Variants in MSI1 observed in about 807,000 individuals in gnomAD.
The protein encoded by MSI1 is RNA-binding protein Musashi homolog 1.
In MSI1, 15 loss-of-function variants were observed where a neutral mutation model predicts 54.4. That is an observed-to-expected ratio of 0.28 (90% confidence interval 0.18 to 0.42). MSI1 has a LOEUF of 0.42. Ranked by LOEUF, MSI1 falls within the 20% of genes least tolerant of loss-of-function variation. The pLI, the probability that MSI1 is intolerant of heterozygous loss-of-function variation, is 1.00. For synonymous variants in MSI1, 200 were observed against 196.5 expected, an observed-to-expected ratio of 1.02 and a Z score of -0.15; for missense variants, 304 against 506.0, an observed-to-expected ratio of 0.60 and a Z score of 3.83.
intron 12 of MSI1, 82 bp downstream of exon 12, chr12:120,347,364 G>A: frequency 6.8e-7 from 1 of 1,470,836 alleles, no homozygotes; most frequent in South Asian, 1.1e-5. Context: ...GCAAAGGGGT[G>A]GCAGTGGCCT....
chr12:120,366,207 A>G (rs1876008486), intron 4 of MSI1, among the ~76,000 whole-genome samples: 1 of 152,124 alleles, frequency 6.6e-6, no homozygotes, highest in Admixed American at 6.6e-5. Flanking sequence ...TCTTTTCCCA[A>G]AGTTCCTTCT....
intron 7 of MSI1, 123 bp downstream of exon 7, chr12:120,358,882 G>A (rs1255566262): frequency 8.6e-6 from 10 of 1,158,278 alleles, no homozygotes; most frequent in East Asian, 2.6e-5. Context: ...GGCCAGGCCT[G>A]GGAGAGGACG....
At chr12:120,351,802 G>A (rs1432081979) in intron 10 of MSI1, among the ~76,000 whole-genome samples, 5 of 149,258 alleles carry the variant, frequency 3.3e-5, no homozygotes, top group South Asian at 4.2e-4. Flanking sequence ...TCCGCCTTCC[G>A]GGTTCACGCC....
downstream of MSI1, among the ~76,000 whole-genome samples, chr12:120,340,874 T>G (rs1307956042): frequency 6.8e-6 from 1 of 147,128 alleles, no homozygotes; most frequent in Non-Finnish European, 1.5e-5. Context: ...ATGTGTACGC[T>G]TTTCTCCTAT....
Position 120,368,895 on chromosome 12 carries a change from A to C in MSI1, c.60-22T>G. ...CTTGCTGCGGGAGGAGGAGAGACAC[A>C]AAGGGCCCGCGTGAGCGCCGGGCGC... On this transcript the variant is annotated intron_variant, in intron 1 of 14. Coordinates refer to ENST00000257552, the MANE Select transcript of MSI1 (RefSeq NM_002442.4). This position sits in a 1 kb window ranked among gnomAD's most constrained non-coding sequence, Gnocchi z 6.6. The C allele has an allele frequency of 7.0e-7, 1 of 1,428,216 alleles. No homozygotes were observed. The highest frequency in any genetic ancestry group is 9.3e-7 in the Non-Finnish European group (1 of 1,076,530). 88.5% of individuals were successfully genotyped at this position (1,428,216 alleles called of 1,614,324 possible).
Position 120,364,562 on chromosome 12 carries a change from C to G in MSI1, c.309+152G>C, listed in dbSNP as rs1046641039. ...GTGTCTTCAGGCCACAGAGCAAGGA[C>G]GTCAAGAATCCCCTCTTCCCAGCCC... On this transcript the variant is annotated intron_variant, in intron 5 of 14. Coordinates refer to ENST00000257552, the MANE Select transcript of MSI1 (RefSeq NM_002442.4). 7 of 683,264 alleles carry G rather than the reference C, an allele frequency of 1.0e-5. No homozygotes were observed. In the East Asian group the frequency reaches 1.7e-4, roughly 17 times the overall value. The allele number at this position is 683,264 out of a possible 1,614,324, so 42.3% of individuals were successfully genotyped here. A position where few individuals can be genotyped will look rare whatever the true frequency, so the allele number is the denominator to read the frequency against.
Position 120,368,290 on chromosome 12 carries a change from G to A in MSI1, c.101-17C>T. 1 of 1,552,900 alleles carries A rather than the reference G, an allele frequency of 6.4e-7. No individual in the cohort carries two copies. Among genetic ancestry groups the A allele is most frequent in the Non-Finnish European group, 8.7e-7 (1 of 1,148,252 alleles). On this transcript the variant is annotated splice_polypyrimidine_tract_variant and intron_variant, in intron 2 of 14. Transcript: ENST00000257552. This position sits in a 1 kb window ranked among gnomAD's most constrained non-coding sequence, Gnocchi z 6.6. ...GCAGCCCTTCTGTAACCACACACCC[G>A]CCTTCGGACCAGCCCGGGCCCCGCG...
intron 8 of MSI1, 44 bp from the exon 9 acceptor site, chr12:120,357,063 T>G (rs1313994688): frequency 6.6e-6 from 10 of 1,512,642 alleles, no homozygotes; most frequent in Non-Finnish European, 9.2e-6. Flanking sequence ...AGAGCTAGAG[T>G]CATTAGCCCT....
At chr12:120,355,609 C>G (rs1442124422) in intron 9 of MSI1, among the ~76,000 whole-genome samples, 1 of 152,104 alleles carries the variant, frequency 6.6e-6, no homozygotes, top group African/African-American at 2.4e-5. Context: ...TACATATTTG[C>G]AAACACACAT....
At position 120,368,289 on chromosome 12, in the gene MSI1, C is replaced by G. The variant is rs1203890435; in HGVS notation, c.101-16G>C. 3 of 1,553,416 alleles carry G rather than the reference C, an allele frequency of 1.9e-6. No homozygotes were observed. Among genetic ancestry groups the G allele is most frequent in the Non-Finnish European group, 1.7e-6 (2 of 1,148,422 alleles). ...CGCAGCCCTTCTGTAACCACACACCCGCCTTCGGACCAGCCCGGGCCCCGC... is the reference window on the plus strand; with the variant it reads ...CGCAGCCCTTCTGTAACCACACACCGGCCTTCGGACCAGCCCGGGCCCCGC... On this transcript the variant is annotated splice_polypyrimidine_tract_variant and intron_variant, in intron 2 of 14. Transcript: ENST00000257552. The surrounding 1 kb of genome is among the most constrained non-coding windows in gnomAD (Gnocchi z 6.6).
At chr12:120,357,093 C>T (rs1875199839) in intron 8 of MSI1, 74 bp from the exon 9 acceptor site, 2 of 1,342,408 alleles carry the variant, frequency 1.5e-6, no homozygotes, top group Non-Finnish European at 2.1e-6. Context: ...TGGAAAGCCC[C>T]TTTATTAATT....
chr12:120,349,762 G>A (rs1202031560), intron 11 of MSI1, among the ~76,000 whole-genome samples: 1 of 152,206 alleles, frequency 6.6e-6, no homozygotes, highest in Non-Finnish European at 1.5e-5. Context: ...CTACTCCCTT[G>A]CCTGCCAAGA....
In MSI1 at chr12:120,342,128, T is replaced by G. The variant is rs2522137; in HGVS notation, c.*999A>C. On this transcript the variant is annotated 3_prime_UTR_variant, in exon 15 of 15. Coordinates refer to ENST00000257552, the MANE Select transcript of MSI1 (RefSeq NM_002442.4). The stretch of plus-strand genomic sequence containing the variant: ...GGGTCGAGGGGGAAGGGGGACAGAC[T>G]GAGCAGAAACCATGAAGCCCCAACC... The G allele has an allele frequency of 0.41, 63,228 of 152,928 alleles. 14,565 individuals are homozygous for G. The highest frequency in any genetic ancestry group is 0.55 in the South Asian group (2,671 of 4,832). 9.5% of individuals were successfully genotyped at this position (152,928 alleles called of 1,614,324 possible).
chr12:120,359,019 G>T lies in MSI1; in HGVS notation c.437C>A (p.Thr146Asn). The change falls in exon 7 of 15, where the codon ACC becomes AAC. Residue 146 changes from threonine to asparagine, a missense_variant. Around this residue, in one of 4 missense-constraint regions of MSI1, gnomAD observed 105 missense variants for 230.1 expected, o/e 0.46. Coordinates refer to ENST00000257552, the MANE Select transcript of MSI1 (RefSeq NM_002442.4). ...DDAMLMFDKTTNRHRGFGFVT... is the reference protein window; with the variant it reads ...DDAMLMFDKTNNRHRGFGFVT... ...GCCACACTCACCTCGGTGCCGGTTG[G>T]TGGTTTTGTCAAACATCAGCATGGC... 1 of 1,565,256 alleles carries T rather than the reference G, an allele frequency of 6.4e-7. No homozygotes were observed. Among genetic ancestry groups the T allele is most frequent in the Non-Finnish European group, 8.7e-7 (1 of 1,154,698 alleles).
In MSI1 at chr12:120,346,126, G is replaced by T; in HGVS notation, c.1047+9C>A. ...GGTGAGGTGGGGGCCGCTAGGCCTG[G>T]CCACTCACCCCAAGACTGTGGCCGA... On this transcript the variant is annotated intron_variant, in intron 13 of 14. Transcript: ENST00000257552. 2 of 1,542,534 alleles carry T rather than the reference G, an allele frequency of 1.3e-6. No homozygotes were observed. The highest frequency in any genetic ancestry group is 1.7e-6 in the Non-Finnish European group (2 of 1,146,190).
chr12:120,349,394 C>G (rs770537468), intron 11 of MSI1, among the ~76,000 whole-genome samples: 2 of 151,928 alleles, frequency 1.3e-5, no homozygotes, highest in African/African-American at 4.8e-5. Flanking sequence ...CCACCACGCC[C>G]AGCTAATTTT....
chr12:120,344,143 A>G (rs571183362), intron 14 of MSI1, among the ~76,000 whole-genome samples: 1 of 152,338 alleles, frequency 6.6e-6, no homozygotes, highest in Non-Finnish European at 1.5e-5. Flanking sequence ...GGCGTGAGCC[A>G]CTGCGCCCGG....
At chr12:120,366,589 A>G (rs910344375) in intron 4 of MSI1, among the ~76,000 whole-genome samples, 1 of 152,078 alleles carries the variant, frequency 6.6e-6, no homozygotes, top group African/African-American at 2.4e-5. Flanking sequence ...CATCCCTGAC[A>G]CACCCCACCT....
chr12:120,363,627 T>C (rs1032232588), intron 5 of MSI1, among the ~76,000 whole-genome samples: 5 of 152,198 alleles, frequency 3.3e-5, no homozygotes, highest in African/African-American at 1.2e-4. Context: ...CAGGAGCGCA[T>C]GGCTAATCCG....
Sources: gnomAD v4.1 joint callset for allele counts (sites outside exome capture counted in the v4.1 genomes callset) on GRCh38, gnomAD v4.1.1 for gene constraint, gnomAD v4.1.1 regional missense constraint, Gnocchi (gnomAD v3.1) non-coding constraint, MANE v1.5 for transcripts, NCBI Gene and HGNC (gene_info 2026-07-23, HGNC 2026-07-21) for gene names.